Variants in DCLK1 observed in about 807,000 individuals in gnomAD.
DCLK1 encodes doublecortin like kinase 1, also known as serine/threonine-protein kinase DCLK1.
Under a neutral mutation model 86.2 loss-of-function variants are expected in DCLK1, and 16 were observed. That is an observed-to-expected ratio of 0.19 (90% confidence interval 0.13 to 0.28). The LOEUF is 0.28. DCLK1 is among the 10% of genes least tolerant of loss of function. The pLI is 1.00. For synonymous variants in DCLK1, 369 were observed against 370.5 expected (o/e 1.00, Z 0.05); for missense variants, 590 against 940.2 (o/e 0.63, Z 4.87).
At chr13:35,893,169 G>T (rs1228885437) in intron 4 of DCLK1, among the ~76,000 whole-genome samples, 1 of 152,190 alleles carries the variant, frequency 6.6e-6, no homozygotes, top group Non-Finnish European at 1.5e-5. Context: ...TTTCCTTTAA[G>T]GTTCTGAACT....
At chr13:35,832,584 G>A (rs2153106899) in intron 8 of DCLK1, among the ~76,000 whole-genome samples, 1 of 152,242 alleles carries the variant, frequency 6.6e-6, no homozygotes, top group Non-Finnish European at 1.5e-5. Flanking sequence ...TGCATATATT[G>A]TGGAAACTCC....
chr13:35,873,990 T>C (rs748195784), intron 4 of DCLK1, among the ~76,000 whole-genome samples: 4 of 152,222 alleles, frequency 2.6e-5, no homozygotes, highest in Non-Finnish European at 5.9e-5. Flanking sequence ...TCATTGTAGG[T>C]AGTTGTTGAA....
At chr13:36,099,204 G>A (rs1566011100) in intron 3 of DCLK1, among the ~76,000 whole-genome samples, 1 of 152,130 alleles carries the variant, frequency 6.6e-6, no homozygotes, top group East Asian at 1.9e-4. Context: ...CTGACCTCAG[G>A]CAATCAGCCT....
chr13:35,826,564 A>AGG (rs1301930448), intron 10 of DCLK1, among the ~76,000 whole-genome samples: 1,089 of 45,520 alleles, frequency 0.024, 174 homozygotes, highest in Non-Finnish European at 0.033. Flanking sequence ...AGAAAGAAAC[A>AGG]AGTCCTAATT....
At position 35,932,393 on chromosome 13, in the gene DCLK1, TTATAAG is replaced by T. The variant is rs140664680; in HGVS notation, c.823+14959_823+14964del. The stretch of plus-strand genomic sequence containing the variant: ...CTCCATAATAACACAAGCCATTTCC[TTATAAG>T]TATATCTTTCGTCTATTTCTGTGTG... On this transcript the variant is annotated intron_variant, in intron 4 of 16. Transcript: ENST00000360631. Among the ~76,000 whole-genome samples the T allele has an allele frequency of 3.6e-3, 554 of 152,264 alleles. 4 individuals are homozygous for T. The highest frequency in any genetic ancestry group is 5.4e-3 in the African/African-American group (226 of 41,536).
chr13:35,811,778 G>A (rs1415713367), intron 11 of DCLK1, among the ~76,000 whole-genome samples: 1 of 151,702 alleles, frequency 6.6e-6, no homozygotes, highest in Non-Finnish European at 1.5e-5. Flanking sequence ...AGGTTGCAGT[G>A]AGCTGAGATC....
chr13:35,814,210 C>T (rs1049529102), intron 11 of DCLK1, among the ~76,000 whole-genome samples: 1 of 152,118 alleles, frequency 6.6e-6, no homozygotes, highest in African/African-American at 2.4e-5. Flanking sequence ...TATAATTAAA[C>T]GTTTGTTAAA....
At chr13:35,865,603 C>T (rs187407045) in intron 5 of DCLK1, among the ~76,000 whole-genome samples, 1 of 152,284 alleles carries the variant, frequency 6.6e-6, no homozygotes, top group East Asian at 1.9e-4. Flanking sequence ...GGCCTTGACT[C>T]CTATGCTTCT....
At chr13:35,987,312 C>G (rs1879969560) in intron 3 of DCLK1, among the ~76,000 whole-genome samples, 1 of 152,156 alleles carries the variant, frequency 6.6e-6, no homozygotes, top group African/African-American at 2.4e-5. Context: ...GTAATCCCAG[C>G]TACTTAGGAG....
intron 5 of DCLK1, among the ~76,000 whole-genome samples, chr13:35,857,708 CA>C (rs1871148085): frequency 1.3e-5 from 2 of 152,150 alleles, no homozygotes; most frequent in South Asian, 4.2e-4. Flanking sequence ...TCCTAATAAC[CA>C]ACAGTGAGAG....
chr13:36,089,654 T>C (rs1413144910), intron 3 of DCLK1, among the ~76,000 whole-genome samples: 2 of 152,242 alleles, frequency 1.3e-5, no homozygotes, highest in African/African-American at 2.4e-5. Flanking sequence ...CAGGCAGTTC[T>C]GGTCATTTAC....
intron 11 of DCLK1, among the ~76,000 whole-genome samples, chr13:35,820,973 T>A (rs2087379678): frequency 6.6e-6 from 1 of 152,234 alleles, no homozygotes; most frequent in Non-Finnish European, 1.5e-5. Flanking sequence ...AAGACATGTG[T>A]CTCTCTTGTT....
At chr13:35,916,864 T>C (rs1035175115) in intron 4 of DCLK1, among the ~76,000 whole-genome samples, 1 of 152,170 alleles carries the variant, frequency 6.6e-6, no homozygotes, top group Non-Finnish European at 1.5e-5. Flanking sequence ...CAGGAAGGCC[T>C]CTCAGACCTT....
At chr13:35,861,059 G>C (rs1380680090) in intron 5 of DCLK1, among the ~76,000 whole-genome samples, 2 of 152,204 alleles carry the variant, frequency 1.3e-5, no homozygotes, top group Admixed American at 6.5e-5. Flanking sequence ...TTGAGAACAA[G>C]TTCAGACTTT....
chr13:36,125,544 T>G (rs1243065470), intron 2 of DCLK1, among the ~76,000 whole-genome samples: 1 of 152,202 alleles, frequency 6.6e-6, no homozygotes, highest in African/African-American at 2.4e-5. Flanking sequence ...ATTAGGGACT[T>G]TTTCCCTTAG....
intron 3 of DCLK1, among the ~76,000 whole-genome samples, chr13:35,958,462 C>A (rs1331244473): frequency 1.3e-5 from 2 of 151,482 alleles, no homozygotes; most frequent in Non-Finnish European, 2.9e-5. Context: ...TAACCACTAT[C>A]ACCACCACTA....
At chr13:35,907,841 T>TTA (rs540734443) in intron 4 of DCLK1, among the ~76,000 whole-genome samples, 20 of 140,700 alleles carry the variant, frequency 1.4e-4, no homozygotes, top group Non-Finnish European at 2.3e-4. Flanking sequence ...GAAAAAACTT[T>TTA]AAAAAAAAAA....
intron 3 of DCLK1, among the ~76,000 whole-genome samples, chr13:36,107,436 T>G (rs1025579714): frequency 6.6e-6 from 1 of 151,296 alleles, no homozygotes; most frequent in Non-Finnish European, 1.5e-5. Context: ...TGGTAGATTT[T>G]ATAAAGTACA....
chr13:35,991,400 A>G (rs886281913), intron 3 of DCLK1, among the ~76,000 whole-genome samples: 2 of 152,114 alleles, frequency 1.3e-5, no homozygotes, highest in Admixed American at 6.5e-5. Context: ...GGTGGCTCAC[A>G]TCTGTAATCC....
Sources: allele counts gnomAD v4.1 joint callset (sites outside exome capture counted in the v4.1 genomes callset), GRCh38; gene constraint gnomAD v4.1.1; transcripts MANE v1.5; gene names NCBI Gene and HGNC (gene_info 2026-07-23, HGNC 2026-07-21).